Variants in ABCC4 observed in about 807,000 individuals in gnomAD.
ABCC4 encodes the protein ATP binding cassette subfamily C member 4 (PEL blood group), also known as ATP-binding cassette sub-family C member 4.
In ABCC4, 102 loss-of-function variants were observed where a neutral mutation model predicts 168.5. That is an observed-to-expected ratio of 0.61 (90% CI 0.52 to 0.71). The LOEUF (loss-of-function observed/expected upper bound fraction) is 0.71. Ranked by LOEUF, ABCC4 falls within the 30% of genes least tolerant of loss-of-function variation. ABCC4 has a pLI of 0.00. For missense variants in ABCC4, 1,402 were observed against 1,605.8 expected (o/e 0.87, Z 2.17); for synonymous variants, 617 against 590.7 (o/e 1.04, Z -0.65).
intron 4 of ABCC4, among the ~76,000 whole-genome samples, chr13:95,233,723 C>G (rs374320482): frequency 1.3e-5 from 2 of 152,070 alleles, no homozygotes; most frequent in Admixed American, 1.3e-4. Context: ...AAGTTATATA[C>G]AAATACTATG....
At chr13:95,274,865 T>TC (rs2138893971) in intron 1 of ABCC4, among the ~76,000 whole-genome samples, 1 of 152,206 alleles carries the variant, frequency 6.6e-6, no homozygotes, top group East Asian at 1.9e-4. Flanking sequence ...TCACTTGACG[T>TC]CAGGAGTTCG....
chr13:95,133,028 C>T (rs1386951000), intron 19 of ABCC4, among the ~76,000 whole-genome samples: 1 of 151,488 alleles, frequency 6.6e-6, no homozygotes, highest in Non-Finnish European at 1.5e-5. Flanking sequence ...ATGTACTTAA[C>T]GTCACCAAAC....
At chr13:95,186,609 A>G (rs559418576) in intron 11 of ABCC4, 92 bp downstream of exon 11, 2 of 1,255,638 alleles carry the variant, frequency 1.6e-6, no homozygotes, top group South Asian at 3.2e-5. Flanking sequence ...AGGTCTTTAA[A>G]AATTAAAAAA....
intron 19 of ABCC4, among the ~76,000 whole-genome samples, chr13:95,132,317 G>C (rs986690266): frequency 2.0e-5 from 3 of 152,182 alleles, no homozygotes; most frequent in Non-Finnish European, 4.4e-5. Flanking sequence ...CTGGGTTCAA[G>C]TGATTCTCCT....
rs192552982 is a variant in ABCC4, at chr13:95,160,137, C to T, written c.2455+1052G>A. On this transcript the variant is annotated intron_variant, in intron 19 of 30. Transcript: ENST00000645237. ...TATAATCAGCTATAACAATTAGTAA[C>T]CAGCACCAGGATTGAACCCAGGTAG... Among the ~76,000 whole-genome samples, 862 of 152,296 alleles carry T rather than the reference C, an allele frequency of 5.7e-3. 9 individuals are homozygous for T. The highest frequency in any genetic ancestry group is 9.1e-3 in the South Asian group (44 of 4,822).
intron 19 of ABCC4, among the ~76,000 whole-genome samples, chr13:95,149,369 TTTCA>T (rs2036600397): frequency 6.6e-6 from 1 of 152,168 alleles, no homozygotes; most frequent in Non-Finnish European, 1.5e-5. Flanking sequence ...TTGACTCCCT[TTTCA>T]TTTTCATGCT....
chr13:95,274,349 G>T (rs1237561433), intron 1 of ABCC4, among the ~76,000 whole-genome samples: 1 of 152,098 alleles, frequency 6.6e-6, no homozygotes, highest in Non-Finnish European at 1.5e-5. Context: ...GAACCAGAAG[G>T]GCCCAGCCAG....
chr13:95,217,935 CA>C (rs1292695846), intron 4 of ABCC4, among the ~76,000 whole-genome samples: 2 of 152,084 alleles, frequency 1.3e-5, no homozygotes, highest in African/African-American at 4.8e-5. Context: ...GTCAGGCTAT[CA>C]GGTATCTCTT....
intron 20 of ABCC4, among the ~76,000 whole-genome samples, chr13:95,113,756 G>A (rs184632263): frequency 5.3e-5 from 8 of 152,110 alleles, no homozygotes; most frequent in Admixed American, 6.6e-5. Context: ...GCAAATCCCC[G>A]GGAGAAAGGC....
chr13:95,285,886 G>A (rs2041243973), intron 1 of ABCC4, among the ~76,000 whole-genome samples: 1 of 152,172 alleles, frequency 6.6e-6, no homozygotes, highest in Non-Finnish European at 1.5e-5. Context: ...AAAGCCTGCA[G>A]TGTATTGACT....
intron 30 of ABCC4, among the ~76,000 whole-genome samples, chr13:95,032,677 T>C (rs6492764): frequency 6.3e-5 from 4 of 63,280 alleles, no homozygotes; most frequent in African/African-American, 1.5e-4. Flanking sequence ...TTTCTTTTTT[T>C]TTTTTGAGAC....
chr13:95,178,757 C>T (rs1230719292), intron 11 of ABCC4, among the ~76,000 whole-genome samples: 1 of 152,068 alleles, frequency 6.6e-6, no homozygotes, highest in Non-Finnish European at 1.5e-5. Context: ...GGGCTCACAC[C>T]CAGGGAAATA....
At chr13:95,276,599 A>T (rs1018828779) in intron 1 of ABCC4, among the ~76,000 whole-genome samples, 2 of 151,536 alleles carry the variant, frequency 1.3e-5, no homozygotes, top group African/African-American at 4.8e-5. Flanking sequence ...GAAGGCAGCC[A>T]CCCGCCTCTC....
intron 19 of ABCC4, among the ~76,000 whole-genome samples, chr13:95,131,673 C>T (rs539585760): frequency 3.9e-5 from 6 of 151,988 alleles, no homozygotes; most frequent in Admixed American, 6.6e-5. Flanking sequence ...AGATGTCAGG[C>T]GACCTGGCAC....
At chr13:95,172,122 T>G (rs1436458545) in intron 13 of ABCC4, among the ~76,000 whole-genome samples, 2 of 152,254 alleles carry the variant, frequency 1.3e-5, no homozygotes, top group Non-Finnish European at 2.9e-5. Flanking sequence ...ACACTAACAT[T>G]GTAATTGATG....
At chr13:95,274,252 T>C (rs949508134) in intron 1 of ABCC4, among the ~76,000 whole-genome samples, 1 of 152,196 alleles carries the variant, frequency 6.6e-6, no homozygotes, top group African/African-American at 2.4e-5. Context: ...TTATATTTTT[T>C]ACTTTGTGCA....
rs1358934245 is a variant in ABCC4 at position 95,209,583 on chromosome 13, T to C, written c.636A>G (p.Leu212=). 1 of 1,612,326 alleles carries C rather than the reference T, an allele frequency of 6.2e-7. No individual in the cohort carries two copies. Among genetic ancestry groups the C allele is most frequent in the East Asian group, 2.2e-5 (1 of 44,852 alleles). The part of the protein sequence containing the change: ...VNKFDQVTVF[L]HFLWAGPLQA... ...GCAGTGGTCCTGCCCACAGGAAGTG[T>C]AAGAACACTGTCACCTTTAAAGAAA... The change falls in exon 6 of 31, where the codon TTA becomes TTG. Residue 212 remains leucine, a synonymous_variant. Transcript: ENST00000645237.
chr13:95,124,823 A>G (rs1471688606), intron 19 of ABCC4, among the ~76,000 whole-genome samples: 1 of 150,424 alleles, frequency 6.6e-6, no homozygotes, highest in Admixed American at 6.6e-5. Context: ...AGCTGCAGTG[A>G]GCCGAAATCA....
chr13:95,107,877 T>C (rs892055777), intron 20 of ABCC4, among the ~76,000 whole-genome samples: 2 of 152,098 alleles, frequency 1.3e-5, no homozygotes, highest in Non-Finnish European at 2.9e-5. Flanking sequence ...AGGCAAAGTT[T>C]GCAGCGAGCA....
Sources: allele counts gnomAD v4.1 joint callset (sites outside exome capture counted in the v4.1 genomes callset), GRCh38; gene constraint gnomAD v4.1.1; transcripts MANE v1.5; gene names NCBI Gene and HGNC (gene_info 2026-07-23, HGNC 2026-07-21).